DBNL: variants seen among roughly 807,000 people sequenced by gnomAD.
DBNL encodes drebrin like, also known as drebrin-like protein.
In DBNL, 35 loss-of-function variants were observed where a neutral mutation model predicts 62.2. The observed-to-expected ratio is 0.56, with a 90% CI of 0.43 to 0.75. The LOEUF (loss-of-function observed/expected upper bound fraction) is 0.75, where lower values mean the gene tolerates loss of function less well. Ranked by LOEUF, DBNL falls within the 30% of genes least tolerant of loss-of-function variation. The probability of loss-of-function intolerance (pLI) is 0.00; values close to 1 mark genes in which losing one functional copy is unlikely to be tolerated. For synonymous variants in DBNL, 197 were observed against 218.0 expected (o/e 0.90, Z 0.85); for missense variants, 495 against 578.4 (o/e 0.86, Z 1.48).
In DBNL at chr7:44,062,910, T is replaced by TG; in HGVS notation, c.*1995dup. The stretch of plus-strand genomic sequence containing the variant: ...ATCCCCGTGGGCAGGTTCAGCTCCA[T>TG]GATCGCCTGGTCTGACATCCCTATG... On this transcript the variant is annotated 3_prime_UTR_variant, in exon 13 of 13. Transcript: ENST00000448521. 6.2e-7 allele frequency: 1 copy of TG among 1,614,200 alleles called. No homozygotes were observed. Among genetic ancestry groups the TG allele is most frequent in the African/African-American group, 1.3e-5 (1 of 75,056 alleles).
chr7:44,050,209 T>C lies in DBNL; in HGVS notation c.84-16T>C, dbSNP rs1157488083. 3 of 1,613,140 alleles carry C rather than the reference T, an allele frequency of 1.9e-6. No homozygotes were observed. The highest frequency in any genetic ancestry group is 4.5e-5 in the East Asian group (2 of 44,864). ...CCAAGGTGCTGGCTACAGAGCTCAC[T>C]TGTGTTTCGTTTCAGGGCTCTCTTT... On this transcript the variant is annotated splice_polypyrimidine_tract_variant and intron_variant, in intron 1 of 12. Transcript: ENST00000448521.
At chr7:44,051,223 G>A (rs2096126044) in intron 2 of DBNL, 1 of 152,796 alleles carries the variant, frequency 6.5e-6, no homozygotes, top group African/African-American at 2.4e-5. Context: ...GGAAAAGTTT[G>A]TGAGGGCTAA....
At position 44,065,611 on chromosome 7, in the gene DBNL, G is replaced by GC; in HGVS notation, c.*4700dup. ...CCAGCTTTATAATAGTGTCTTCCCA[G>GC]CCCCCACCCACCCCAGCCAACTGCC... On this transcript the variant is annotated 3_prime_UTR_variant, in exon 13 of 13. Coordinates refer to ENST00000448521, the MANE Select transcript of DBNL (RefSeq NM_001014436.3). 1 of 1,374,790 alleles carries GC rather than the reference G, an allele frequency of 7.3e-7. No individual in the cohort carries two copies. The highest frequency in any genetic ancestry group is 1.0e-6 in the Non-Finnish European group (1 of 976,496). 85.2% of individuals were successfully genotyped at this position (1,374,790 alleles called of 1,614,324 possible). A position where few individuals can be genotyped will look rare whatever the true frequency, so the allele number is the denominator to read the frequency against.
rs1270730673 is a variant in DBNL, at chr7:44,061,934, C to T, written c.*1018C>T. 6.6e-6 allele frequency: 1 copy of T among 152,340 alleles called. No homozygotes were observed. Among genetic ancestry groups the T allele is most frequent in the Non-Finnish European group, 1.5e-5 (1 of 68,152 alleles). The allele number at this position is 152,340 out of a possible 1,614,324, so 9.4% of individuals were successfully genotyped here. A position where few individuals can be genotyped will look rare whatever the true frequency, so the allele number is the denominator to read the frequency against. ...CTGAAGTTGGAGCCTTCCTGCGTTCCAGTTCCTCTAGGAGAGGCCAAGGGC... is the reference window on the plus strand; with the variant it reads ...CTGAAGTTGGAGCCTTCCTGCGTTCTAGTTCCTCTAGGAGAGGCCAAGGGC... On this transcript the variant is annotated 3_prime_UTR_variant, in exon 13 of 13. Coordinates refer to ENST00000448521, the MANE Select transcript of DBNL (RefSeq NM_001014436.3).
In DBNL at chr7:44,064,105, C is replaced by T. The variant is rs925446114; in HGVS notation, c.*3189C>T. On this transcript the variant is annotated 3_prime_UTR_variant, in exon 13 of 13. Coordinates refer to ENST00000448521, the MANE Select transcript of DBNL (RefSeq NM_001014436.3). ...GGACTCAACAAGCTTTAAGGTCATTCAGATGCTAATTTAGACTGCCCTTGT... is the reference window on the plus strand; with the variant it reads ...GGACTCAACAAGCTTTAAGGTCATTTAGATGCTAATTTAGACTGCCCTTGT... The T allele has an allele frequency of 6.5e-6, 1 of 152,898 alleles. No individual in the cohort carries two copies. Among genetic ancestry groups the T allele is most frequent in the African/African-American group, 2.4e-5 (1 of 41,462 alleles). The allele number at this position is 152,898 out of a possible 1,614,324, so 9.5% of individuals were successfully genotyped here.
In DBNL at chr7:44,060,248, TATCAG is replaced by T; in HGVS notation, c.1153+96_1153+100del. 1 of 1,162,428 alleles carries T rather than the reference TATCAG, an allele frequency of 8.6e-7. No individual in the cohort carries two copies. The highest frequency in any genetic ancestry group is 1.4e-5 in the South Asian group (1 of 71,992). 72.0% of individuals were successfully genotyped at this position (1,162,428 alleles called of 1,614,324 possible). A position where few individuals can be genotyped will look rare whatever the true frequency, so the allele number is the denominator to read the frequency against. On this transcript the variant is annotated intron_variant, in intron 12 of 12. Coordinates refer to ENST00000448521, the MANE Select transcript of DBNL (RefSeq NM_001014436.3). The surrounding 1 kb of genome is among the most constrained non-coding windows in gnomAD (Gnocchi z 6.3). The stretch of plus-strand genomic sequence containing the variant: ...TTTATGGGAAGATGGCACCAGGGGG[TATCAG>T]GAAGAGAAGACAGGAGGGTGGGCGG...
rs1586002599 is a variant in DBNL, at chr7:44,065,607, C to T, written c.*4691C>T. On this transcript the variant is annotated 3_prime_UTR_variant, in exon 13 of 13. Coordinates refer to ENST00000448521, the MANE Select transcript of DBNL (RefSeq NM_001014436.3). ...ACTCCCAGCTTTATAATAGTGTCTT[C>T]CCAGCCCCCACCCACCCCAGCCAAC... 1 of 1,414,800 alleles carries T rather than the reference C, an allele frequency of 7.1e-7. No individual in the cohort carries two copies. Among genetic ancestry groups the T allele is most frequent in the Non-Finnish European group, 9.9e-7 (1 of 1,011,646 alleles). 87.6% of individuals were successfully genotyped at this position (1,414,800 alleles called of 1,614,324 possible).
chr7:44,062,302 C>T lies in DBNL; in HGVS notation c.*1386C>T. On this transcript the variant is annotated 3_prime_UTR_variant, in exon 13 of 13. Transcript: ENST00000448521. ...GCTTTGAGGCCCCCTGTGGGCTTGC[C>T]TGTCCCAACCCAAGAGGCAGGGCTC... The T allele has an allele frequency of 4.7e-6, 1 of 214,278 alleles. No homozygotes were observed. Among genetic ancestry groups the T allele is most frequent in the East Asian group, 1.1e-4 (1 of 9,164 alleles). The allele number at this position is 214,278 out of a possible 1,614,324, so 13.3% of individuals were successfully genotyped here.
chr7:44,044,705 T>G lies in DBNL; in HGVS notation c.-33T>G, dbSNP rs571231467. 6.8e-7 allele frequency: 1 copy of G among 1,466,860 alleles called. No homozygotes were observed. The highest frequency in any genetic ancestry group is 2.9e-5 in the East Asian group (1 of 34,544). The allele number at this position is 1,466,860 out of a possible 1,614,324, so 90.9% of individuals were successfully genotyped here. A position where few individuals can be genotyped will look rare whatever the true frequency, so the allele number is the denominator to read the frequency against. ...GGGCGGCCCGGCCCGGCCCGGAAGC[T>G]ACAGCAGCGGCGCGGAGACTGCGGG... is the stretch of plus-strand genomic sequence containing the variant. On this transcript the variant is annotated 5_prime_UTR_variant, in exon 1 of 13. Transcript: ENST00000448521.
In DBNL at chr7:44,065,566, A is replaced by G. The variant is rs2096158510; in HGVS notation, c.*4650A>G. 3 of 1,599,962 alleles carry G rather than the reference A, an allele frequency of 1.9e-6. No homozygotes were observed. Among genetic ancestry groups the G allele is most frequent in the Non-Finnish European group, 2.6e-6 (3 of 1,169,222 alleles). On this transcript the variant is annotated 3_prime_UTR_variant, in exon 13 of 13. Transcript: ENST00000448521. ...GGACCACAGAGGACTCTGGACGGGG[A>G]CGGCTGCTTCCCAACACTCCCAGCT... is the stretch of plus-strand genomic sequence containing the variant.
Position 44,058,433 on chromosome 7 carries a change from ACGT to A in DBNL, c.707_709del (p.Thr236_Trp237delinsArg). On this transcript the variant is annotated inframe_deletion and splice_region_variant, in exon 8 of 13. Coordinates refer to ENST00000448521, the MANE Select transcript of DBNL (RefSeq NM_001014436.3). The stretch of plus-strand genomic sequence containing the variant: ...GCCCCACCCGGCCCTTCCCAGCAGG[ACGT>A]GGGAGCAGCAGCAAGAAGTGGTTTC... 6.2e-7 allele frequency: 1 copy of A among 1,614,218 alleles called. No homozygotes were observed. Among genetic ancestry groups the A allele is most frequent in the Non-Finnish European group, 8.5e-7 (1 of 1,180,034 alleles).
At position 44,061,128 on chromosome 7, in the gene DBNL, G is replaced by A. The variant is rs2096148233; in HGVS notation, c.*212G>A. On this transcript the variant is annotated 3_prime_UTR_variant, in exon 13 of 13. Coordinates refer to ENST00000448521, the MANE Select transcript of DBNL (RefSeq NM_001014436.3). ...CCCACACATCCTTCCTGCATCCCCC[G>A]ACCCTCCCAGACAGCTTGGCTCTTG... The A allele has an allele frequency of 9.5e-6, 6 of 632,238 alleles. No homozygotes were observed. The highest frequency in any genetic ancestry group is 3.9e-5 in the South Asian group (2 of 50,652). The allele number at this position is 632,238 out of a possible 1,614,324, so 39.2% of individuals were successfully genotyped here. A position where few individuals can be genotyped will look rare whatever the true frequency, so the allele number is the denominator to read the frequency against.
chr7:44,051,740 T>A (rs752366017), intron 2 of DBNL, 90 bp from the exon 3 acceptor site: 1 of 1,203,578 alleles, frequency 8.3e-7, no homozygotes, highest in East Asian at 2.4e-5. Flanking sequence ...AGCCCTGGTT[T>A]AGAAGCAGCT....
intron 1 of DBNL, among the ~76,000 whole-genome samples, chr7:44,049,368 G>A (rs1275189975): frequency 1.3e-5 from 2 of 152,206 alleles, no homozygotes; most frequent in Non-Finnish European, 2.9e-5. Flanking sequence ...GTGTTAGCCA[G>A]AATGGTCTCG....
At chr7:44,053,099 C>T (rs1585984059) in intron 4 of DBNL, 158 bp downstream of exon 4, 1 of 1,028,088 alleles carries the variant, frequency 9.7e-7, no homozygotes, top group Non-Finnish European at 1.4e-6. Flanking sequence ...CCAGAGGCTG[C>T]TTCACTCTCG....
intron 4 of DBNL, among the ~76,000 whole-genome samples, chr7:44,054,754 T>G (rs933763304): frequency 2.0e-5 from 3 of 152,236 alleles, no homozygotes; most frequent in Non-Finnish European, 4.4e-5. Flanking sequence ...ACTGTACTTT[T>G]GTACCTGTTA....
chr7:44,056,445 T>C (rs1406873327), intron 4 of DBNL, among the ~76,000 whole-genome samples: 1 of 152,224 alleles, frequency 6.6e-6, no homozygotes, highest in Non-Finnish European at 1.5e-5. Flanking sequence ...AGGCCTTTGA[T>C]GCAAATTATG....
Position 44,065,561 on chromosome 7 carries a change from C to T in DBNL, c.*4645C>T, listed in dbSNP as rs770194022. 2.1e-5 allele frequency: 34 copies of T among 1,606,046 alleles called. No homozygotes were observed. The highest frequency in any genetic ancestry group is 1.1e-4 in the South Asian group (10 of 90,932). Reference sequence around the variant, plus strand: ...AGCAGGGACCACAGAGGACTCTGGACGGGGACGGCTGCTTCCCAACACTCC... The same window carrying T: ...AGCAGGGACCACAGAGGACTCTGGATGGGGACGGCTGCTTCCCAACACTCC... On this transcript the variant is annotated 3_prime_UTR_variant, in exon 13 of 13. Coordinates refer to ENST00000448521, the MANE Select transcript of DBNL (RefSeq NM_001014436.3).
Position 44,058,947 on chromosome 7 carries a change from G to T in DBNL, c.799G>T (p.Ala267Ser). ...GGAGATTTTCAAGCAGAAGGAGAGG[G>T]CCATGTCCACCACCTCCATCTCCAG... ...PREIFKQKERAMSTTSISSPQ... is the reference protein window; with the variant it reads ...PREIFKQKERSMSTTSISSPQ... Residue 267 changes from alanine (A) to serine (S), a missense_variant, in exon 9 of 13, where the codon GCC becomes TCC. Transcript: ENST00000448521. The T allele has an allele frequency of 6.2e-7, 1 of 1,613,894 alleles. No homozygotes were observed. Among genetic ancestry groups the T allele is most frequent in the Non-Finnish European group, 8.5e-7 (1 of 1,179,972 alleles).
Sources: allele counts gnomAD v4.1 joint callset (sites outside exome capture counted in the v4.1 genomes callset), GRCh38; gene constraint gnomAD v4.1.1; non-coding constraint Gnocchi (gnomAD v3.1); transcripts MANE v1.5; gene names NCBI Gene and HGNC (gene_info 2026-07-23, HGNC 2026-07-21).